DNAAF1: variants seen among roughly 807,000 people sequenced by gnomAD.
DNAAF1 encodes dynein axonemal assembly factor 1, also known as dynein assembly factor 1, axonemal.
Under a neutral mutation model 71.1 loss-of-function variants are expected in DNAAF1, and 65 were observed. The observed-to-expected ratio is 0.91, with a 90% CI of 0.75 to 1.12. DNAAF1 has a LOEUF of 1.12. Ranked by LOEUF, DNAAF1 falls within the 50% of genes most tolerant of loss-of-function variation. DNAAF1 has a pLI of 0.00. For synonymous variants in DNAAF1, 414 were observed against 354.6 expected (o/e 1.17, Z -1.88); for missense variants, 1,178 against 899.8 (o/e 1.31, Z -3.96).
At chr16:84,165,662 C>A in intron 6 of DNAAF1, 121 bp from the exon 7 acceptor site, 3 of 962,620 alleles carry the variant, frequency 3.1e-6, no homozygotes, top group Admixed American at 1.7e-5. Context: ...GAACTTTTAT[C>A]CTTGCAGTCA....
chr16:84,160,776 T>C (rs2087666368), intron 6 of DNAAF1, among the ~76,000 whole-genome samples: 1 of 151,472 alleles, frequency 6.6e-6, no homozygotes, highest in Admixed American at 6.6e-5. Flanking sequence ...CTACTAAAAG[T>C]ACACAAAAAT....
chr16:84,164,934 C>A (rs1020769198), intron 6 of DNAAF1, among the ~76,000 whole-genome samples: 1 of 152,054 alleles, frequency 6.6e-6, no homozygotes, highest in African/African-American at 2.4e-5. Flanking sequence ...GCAGCGTTGC[C>A]GTGTTTTGGA....
intron 1 of DNAAF1, among the ~76,000 whole-genome samples, chr16:84,145,845 G>T (rs1377754470): frequency 1.3e-5 from 2 of 152,164 alleles, no homozygotes; most frequent in African/African-American, 4.8e-5. Flanking sequence ...TGTAATTCCA[G>T]CACTTTGGGA....
chr16:84,158,943 CT>C, intron 5 of DNAAF1: 2 of 714,158 alleles, frequency 2.8e-6, no homozygotes, highest in Non-Finnish European at 3.4e-6. Flanking sequence ...GTTGGCCAGG[CT>C]GGTCTCGAAC....
intron 4 of DNAAF1, 108 bp downstream of exon 4, chr16:84,154,906 GTCTTTTTTT>G (rs2087340626): frequency 5.7e-6 from 6 of 1,051,492 alleles, no homozygotes; most frequent in Non-Finnish European, 8.6e-6. Context: ...GTTTTTTTTT[GTCTTTTTTT>G]TGTTTTTTTT....
In DNAAF1 at chr16:84,145,457, C is replaced by T. The variant is rs1451422903; in HGVS notation, c.17C>T (p.Ser6Leu). 2.5e-6 allele frequency: 4 copies of T among 1,579,544 alleles called. No individual in the cohort carries two copies. Among genetic ancestry groups the T allele is most frequent in the Non-Finnish European group, 3.4e-6 (4 of 1,163,334 alleles). MHPEP[S>L]EPATGGAAEL... ...GAAGTAAACATGCACCCTGAGCCCT[C>T]GGAGCCTGCGACAGGTGGTGCAGCA... The change falls in exon 1 of 12, where the codon TCG becomes TTG. Residue 6 changes from serine to leucine, a missense_variant. Coordinates refer to ENST00000378553, the MANE Select transcript of DNAAF1 (RefSeq NM_178452.6).
chr16:84,161,097 G>A (rs778207649), intron 6 of DNAAF1, among the ~76,000 whole-genome samples: 6 of 152,164 alleles, frequency 3.9e-5, no homozygotes, highest in African/African-American at 7.2e-5. Flanking sequence ...CACGAGCTAC[G>A]TTACACCCTT....
intron 4 of DNAAF1, 82 bp downstream of exon 4, chr16:84,154,880 A>G: frequency 9.2e-6 from 11 of 1,193,776 alleles, no homozygotes; most frequent in Middle Eastern, 1.9e-4. Flanking sequence ...CTTTTATATT[A>G]TGGGCAAGAA....
At chr16:84,156,809 C>A (rs776749339) in intron 5 of DNAAF1, among the ~76,000 whole-genome samples, 13 of 116,600 alleles carry the variant, frequency 1.1e-4, no homozygotes, top group Non-Finnish European at 2.0e-4. Context: ...TATCATTTTT[C>A]TTTTCTTTTC....
intron 8 of DNAAF1, among the ~76,000 whole-genome samples, chr16:84,171,113 C>T (rs1053357019): frequency 1.3e-5 from 2 of 152,078 alleles, no homozygotes; most frequent in African/African-American, 4.8e-5. Context: ...GGGATCAGAG[C>T]ACAGGACCCA....
In DNAAF1 at chr16:84,177,128, G is replaced by A. The variant is rs566050582; in HGVS notation, c.2066-601G>A. 7.3e-5 allele frequency: 13 copies of A among 177,176 alleles called. No individual in the cohort carries two copies. The South Asian group carries it at 1.4e-3, about 19-fold the overall frequency. 11.0% of individuals were successfully genotyped at this position (177,176 alleles called of 1,614,324 possible). On this transcript the variant is annotated intron_variant, in intron 11 of 11. Coordinates refer to ENST00000378553, the MANE Select transcript of DNAAF1 (RefSeq NM_178452.6). ...TGCCTGGCTGACTCCAGACTTGCAG[G>A]CAGGAAGCAGGGAGTGGCCTGAGTG...
At chr16:84,150,206 C>A (rs1567535276) in intron 2 of DNAAF1, 45 bp from the exon 3 acceptor site, 2 of 1,425,932 alleles carry the variant, frequency 1.4e-6, no homozygotes, top group South Asian at 1.1e-5. Flanking sequence ...TGTTTTACAG[C>A]TGACAATTTG....
intron 6 of DNAAF1, among the ~76,000 whole-genome samples, chr16:84,161,593 T>C (rs920010846): frequency 6.6e-6 from 1 of 151,676 alleles, no homozygotes; most frequent in Non-Finnish European, 1.5e-5. Context: ...CTCAAATTTC[T>C]GGCCTCAAGT....
Position 84,154,648 on chromosome 16 carries a change from C to T in DNAAF1, c.424C>T (p.Gln142Ter), listed in dbSNP as rs1165690354. The T allele has an allele frequency of 1.2e-6, 2 of 1,614,032 alleles. No individual in the cohort carries two copies. The highest frequency in any genetic ancestry group is 1.7e-5 in the Admixed American group (1 of 59,994). ...RCLWLQSNGIQKIENLEAQTE... is the reference protein window; with the variant it reads ...RCLWLQSNGI ...TCTCTGGCTGCAGAGCAATGGAATA[C>T]AGAAAATCGAAAACCTGGAGGCCCA... Residue 142 changes from glutamine (Q) to a stop codon, truncating the protein, a stop_gained, in exon 4 of 12, where the codon CAG (glutamine) becomes TAG (stop). Transcript: ENST00000378553. LOFTEE classifies it high-confidence loss of function.
intron 4 of DNAAF1, among the ~76,000 whole-genome samples, 173 bp downstream of exon 4, chr16:84,154,971 C>T (rs1597419156): frequency 6.6e-6 from 1 of 151,478 alleles, no homozygotes; most frequent in Non-Finnish European, 1.5e-5. Flanking sequence ...TGCAGTGGCG[C>T]GATCTCAGCT....
At chr16:84,167,626 A>G (rs1361206644) in intron 7 of DNAAF1, among the ~76,000 whole-genome samples, 2 of 152,174 alleles carry the variant, frequency 1.3e-5, no homozygotes, top group East Asian at 3.9e-4. Flanking sequence ...TAGCACCCCT[A>G]TGTACAGGGG....
intron 5 of DNAAF1, among the ~76,000 whole-genome samples, chr16:84,158,230 A>C (rs1048175093): frequency 6.6e-6 from 1 of 152,110 alleles, no homozygotes; most frequent in African/African-American, 2.4e-5. Flanking sequence ...AAAAACAAAA[A>C]AGAAACTTAT....
At chr16:84,151,796 C>G (rs2087198545) in intron 3 of DNAAF1, among the ~76,000 whole-genome samples, 1 of 152,168 alleles carries the variant, frequency 6.6e-6, no homozygotes, top group Non-Finnish European at 1.5e-5. Context: ...CTTCCAGGCT[C>G]TAGGCCTCAG....
intron 8 of DNAAF1, 64 bp from the exon 9 acceptor site, chr16:84,172,196 C>T (rs905479019): frequency 1.1e-5 from 17 of 1,503,104 alleles, no homozygotes; most frequent in Admixed American, 5.5e-5. Flanking sequence ...CCATCTTCAC[C>T]GTAGGCTCGT....
Sources: gnomAD v4.1 joint callset for allele counts (sites outside exome capture counted in the v4.1 genomes callset) on GRCh38, gnomAD v4.1.1 for gene constraint, MANE v1.5 for transcripts, NCBI Gene and HGNC (gene_info 2026-07-23, HGNC 2026-07-21) for gene names.